PLAC1: variants seen among roughly 807,000 people sequenced by gnomAD.
PLAC1 encodes placenta associated 1.
For synonymous variants in PLAC1, 68 were observed against 62.1 expected, an observed-to-expected ratio of 1.09 and a Z score of -0.44; for missense variants, 136 against 163.2, an observed-to-expected ratio of 0.83 and a Z score of 0.91.
chrX:134,690,928 C>A (rs1472391398), intron 2 of PLAC1, among the ~76,000 whole-genome samples: 1 of 56,525 alleles, frequency 1.8e-5, no homozygotes, highest in Admixed American at 3.4e-4. Context: ...GGCGACAGAG[C>A]AAGATTCCGT....
intron 2 of PLAC1, among the ~76,000 whole-genome samples, chrX:134,726,821 C>CCAAAAA (rs1556180901): frequency 2.3e-5 from 1 of 42,816 alleles, no homozygotes; most frequent in African/African-American, 1.1e-4. Context: ...GACTCTGTCT[C>CCAAAAA]AAAAAAAAAA....
rs147972664 is a variant in PLAC1, at chrX:134,624,451, G to C, written c.-130-22329C>G. 4.7e-3 allele frequency among the ~76,000 whole-genome samples: 529 copies of C among 111,999 alleles called. 2 individuals are homozygous for C. Among genetic ancestry groups the C allele is most frequent in the African/African-American group, 0.016 (505 of 30,857 alleles). On this transcript the variant is annotated intron_variant, in intron 1 of 2. Transcript: ENST00000359237. ...TGAAAAAGAAGCTGATCAACCACTG[G>C]ACTAATGACTGTGATACAAAGAAAA... is the stretch of plus-strand genomic sequence containing the variant.
rs1243558039 is a variant in PLAC1 at position 134,740,297 on chromosome X, AC to A, written n.90-6779del. 2.9e-5 allele frequency among the ~76,000 whole-genome samples: 3 copies of A among 104,689 alleles called. No homozygotes were observed. In the Admixed American group the frequency reaches 3.0e-4, roughly 11 times the overall value. The allele number at this position is 104,689 out of a possible 115,157, so 90.9% of individuals were successfully genotyped here. The stretch of plus-strand genomic sequence containing the variant: ...GCGCCATTGCACTCCAGCCTGGGCA[AC>A]AACAGTGAAATTCCGTCTCCAAAAA... On this transcript the variant is annotated intron_variant and non_coding_transcript_variant, in intron 1 of 2. Transcript: ENST00000466797.
chrX:134,629,643 T>C (rs143099472), intron 1 of PLAC1, among the ~76,000 whole-genome samples: 1,423 of 111,952 alleles, frequency 0.013, 23 homozygotes, highest in African/African-American at 0.044. Context: ...GTCAAGCCCT[T>C]GTGATTTCTT....
chrX:134,579,966 A>G lies in PLAC1; in HGVS notation c.-58-13226T>C, dbSNP rs763901125. ...TGATCGCTCTGCATTTACGCTGGGT[A>G]TAAATAGATATAGATGGGCCGTTTA... On this transcript the variant is annotated intron_variant, in intron 2 of 2. Coordinates refer to ENST00000359237, the MANE Select transcript of PLAC1 (RefSeq NM_021796.4). Among the ~76,000 whole-genome samples the G allele has an allele frequency of 1.7e-4, 19 of 112,116 alleles. No homozygotes were observed. The East Asian group carries it at 4.8e-3, about 28-fold the overall frequency.
intron 1 of PLAC1, among the ~76,000 whole-genome samples, chrX:134,604,994 A>AC (rs1019593922): frequency 5.4e-5 from 6 of 110,285 alleles, no homozygotes; most frequent in East Asian, 5.7e-4. Context: ...CCACCCCTGC[A>AC]CCCCCCATTG....
At chrX:134,603,667 T>C (rs1350055945) in intron 1 of PLAC1, among the ~76,000 whole-genome samples, 1 of 109,590 alleles carries the variant, frequency 9.1e-6, no homozygotes, top group East Asian at 2.9e-4. Context: ...TGCTCATGTA[T>C]TACTTGATTT....
At chrX:134,742,382 G>A (rs2078719024) in intron 1 of PLAC1, among the ~76,000 whole-genome samples, 1 of 112,160 alleles carries the variant, frequency 8.9e-6, no homozygotes, top group African/African-American at 3.2e-5. Flanking sequence ...GAGGTCAGGT[G>A]TTCGAGACCA....
intron 2 of PLAC1, among the ~76,000 whole-genome samples, chrX:134,714,772 C>T (rs1283273096): frequency 1.8e-5 from 2 of 111,975 alleles, no homozygotes; most frequent in Admixed American, 1.9e-4. Flanking sequence ...GCTTATTTCA[C>T]TTAGCATAAT....
At chrX:134,597,372 G>A (rs776995681) in intron 2 of PLAC1, among the ~76,000 whole-genome samples, 12 of 111,772 alleles carry the variant, frequency 1.1e-4, no homozygotes, top group Non-Finnish European at 1.9e-4. Flanking sequence ...GAGACTTTCC[G>A]TTTTTATTTG....
chrX:134,651,010 T>C, intron 1 of PLAC1: 1 of 252,054 alleles, frequency 4.0e-6, no homozygotes, highest in Non-Finnish European at 8.2e-6. Context: ...AAAGCTATCA[T>C]AATCTTTGTT....
At chrX:134,643,787 T>C (rs373944229) in intron 1 of PLAC1, among the ~76,000 whole-genome samples, 4 of 110,756 alleles carry the variant, frequency 3.6e-5, no homozygotes, top group Non-Finnish European at 7.6e-5. Flanking sequence ...AACTTCATAC[T>C]TAAAAAGAGG....
chrX:134,686,547 A>C (rs1045595487), intron 2 of PLAC1, among the ~76,000 whole-genome samples: 5 of 111,246 alleles, frequency 4.5e-5, no homozygotes, highest in African/African-American at 1.6e-4. Flanking sequence ...CAATGGAAAA[A>C]CCCCTTGAAA....
intron 1 of PLAC1, among the ~76,000 whole-genome samples, chrX:134,608,679 CTTTTTT>C (rs61216654): frequency 1.1e-5 from 1 of 90,108 alleles, no homozygotes. Context: ...TTTCTTTTTT[CTTTTTT>C]TTTTTTTTTG....
intron 2 of PLAC1, among the ~76,000 whole-genome samples, chrX:134,702,944 T>G (rs762304913): frequency 7.2e-5 from 8 of 111,780 alleles, no homozygotes; most frequent in Non-Finnish European, 1.1e-4. Flanking sequence ...GATATATGGG[T>G]ATGAAAATGA....
intron 1 of PLAC1, among the ~76,000 whole-genome samples, chrX:134,612,387 C>G (rs145083877): frequency 3.6e-3 from 404 of 112,248 alleles, no homozygotes; most frequent in African/African-American, 0.013. Flanking sequence ...ATAGGAAGCT[C>G]TCAATACATA....
chrX:134,591,282 G>A (rs909115668), intron 2 of PLAC1, among the ~76,000 whole-genome samples: 1 of 112,152 alleles, frequency 8.9e-6, no homozygotes, highest in Non-Finnish European at 1.9e-5. Context: ...GCAGGTATGG[G>A]ATAATAATAT....
intron 1 of PLAC1, among the ~76,000 whole-genome samples, chrX:134,623,063 C>T (rs907823614): frequency 8.9e-6 from 1 of 112,408 alleles, no homozygotes; most frequent in Non-Finnish European, 1.9e-5. Flanking sequence ...ACTACAAGAG[C>T]CTTCACGTCT....
chrX:134,570,942 T>C (rs1166819347), intron 2 of PLAC1, among the ~76,000 whole-genome samples: 2 of 112,565 alleles, frequency 1.8e-5, no homozygotes, highest in African/African-American at 6.5e-5. Context: ...CTGTATTTCC[T>C]TTCTTCCCTC....
Sources: allele counts gnomAD v4.1 joint callset (sites outside exome capture counted in the v4.1 genomes callset), GRCh38; gene constraint gnomAD v4.1.1; transcripts MANE v1.5; gene names NCBI Gene and HGNC (gene_info 2026-07-23, HGNC 2026-07-21).